TTN: variants seen among roughly 807,000 people sequenced by gnomAD.
The protein encoded by TTN is titin, also known as connectin.
In TTN, 1,525 loss-of-function variants were observed where a neutral mutation model predicts 3,223.0. The ratio of observed to expected loss-of-function variants is 0.47; its 90% CI spans 0.45 to 0.49. The LOEUF is 0.49. Ranked by LOEUF, TTN falls within the 20% of genes least tolerant of loss-of-function variation. The probability of loss-of-function intolerance (pLI) is 0.00; values close to 1 mark genes in which losing one functional copy is unlikely to be tolerated. For missense variants in TTN, 40,786 were observed against 43,424.0 expected (o/e 0.94, Z 5.40); for synonymous variants, 14,094 against 15,161.0 (o/e 0.93, Z 5.17).
intron 47 of TTN, chr2:178,751,407 C>A: frequency 6.2e-7 from 1 of 1,609,110 alleles, no homozygotes; most frequent in South Asian, 1.1e-5. Context: ...GTTTTCTTGG[C>A]AGAACTCATT....
rs750214574 is a variant in TTN at position 178,799,516 on chromosome 2, G to A, written c.885C>T (p.His295=). The change falls in exon 6 of 363, where the codon CAC becomes CAT. Residue 295 remains histidine (H), a synonymous_variant. Transcript: ENST00000589042. ...CCGGAGATGGGGTCGGTGCCCGCAC[G>A]TGTCTGACCGGGGAAGGGGAGTGTC... ...PIRHSPSPVR[H]VRAPTPSPVR... 62 of 1,614,176 alleles carry A rather than the reference G, an allele frequency of 3.8e-5. No homozygotes were observed. Among genetic ancestry groups the A allele is most frequent in the Non-Finnish European group, 5.0e-5 (59 of 1,180,016 alleles).
Position 178,634,194 on chromosome 2 carries a change from A to T in TTN, c.42416-111T>A. On this transcript the variant is annotated intron_variant, in intron 230 of 362. Transcript: ENST00000589042. The surrounding 1 kb of genome is among the most constrained non-coding windows in gnomAD (Gnocchi z 4.6). ...CATTTCACATGGCACTTATTTATTCATCTTTCCAAATAGAGCTCCACTAAA... is the reference window on the plus strand; with the variant it reads ...CATTTCACATGGCACTTATTTATTCTTCTTTCCAAATAGAGCTCCACTAAA... The T allele has an allele frequency of 1.3e-6, 2 of 1,502,764 alleles. No homozygotes were observed. The highest frequency in any genetic ancestry group is 8.9e-7 in the Non-Finnish European group (1 of 1,128,368). The allele number at this position is 1,502,764 out of a possible 1,614,324, so 93.1% of individuals were successfully genotyped here. A position where few individuals can be genotyped will look rare whatever the true frequency, so the allele number is the denominator to read the frequency against.
chr2:178,580,402 T>C lies in TTN; in HGVS notation c.66977A>G (p.Lys22326Arg), dbSNP rs202125813. ...TAAGATATATTTTCCTGCATCATAT[T>C]TGTTCACATTTTCACAGCGCAAGAA... is the stretch of plus-strand genomic sequence containing the variant. ...DTFLRCENVNKYDAGKYILTL... is the reference protein window; with the variant it reads ...DTFLRCENVNRYDAGKYILTL... Residue 22326 changes from lysine (K) to arginine (R), a missense_variant, in exon 317 of 363, where the codon AAA (lysine) becomes AGA (arginine). Physicochemically the swap from Lys to Arg is conservative, Grantham distance 26. Transcript: ENST00000589042. 487 of 1,613,306 alleles carry C rather than the reference T, an allele frequency of 3.0e-4. 2 individuals are homozygous for C. The African/African-American group carries it at 5.7e-3, about 19-fold the overall frequency.
Position 178,550,026 on chromosome 2 carries a change from T to A in TTN, c.91812A>T (p.Ala30604=). The A allele has an allele frequency of 6.2e-7, 1 of 1,611,320 alleles. No individual in the cohort carries two copies. ...RGVYTVEAKN[A]SGSAKAEIKV... Reference sequence around the variant, plus strand: ...TAATTTCTGCTTTTGCAGAACCAGATGCATTTTTGGCTTCCACTGTGTATA... The same window carrying A: ...TAATTTCTGCTTTTGCAGAACCAGAAGCATTTTTGGCTTCCACTGTGTATA... The change falls in exon 337 of 363, where the codon GCA becomes GCT. Residue 30604 remains alanine, a synonymous_variant. Transcript: ENST00000589042.
At chr2:178,774,739 C>T in intron 29 of TTN, 182 bp downstream of exon 29, 1 of 815,532 alleles carries the variant, frequency 1.2e-6, no homozygotes, top group Non-Finnish European at 1.8e-6. Flanking sequence ...TTTAAAAAAT[C>T]CAAATGGTCA....
At chr2:178,660,768 C>T (rs2064571924) in intron 180 of TTN, among the ~76,000 whole-genome samples, 1 of 152,286 alleles carries the variant, frequency 6.6e-6, no homozygotes, top group African/African-American at 2.4e-5. Flanking sequence ...AAAATTTTTG[C>T]AATCTACTCA....
intron 159 of TTN, among the ~76,000 whole-genome samples, 179 bp downstream of exon 159, chr2:178,669,194 G>C (rs190212376): frequency 6.6e-6 from 1 of 152,248 alleles, no homozygotes; most frequent in African/African-American, 2.4e-5. Context: ...TTAAATTGGT[G>C]AGGAAATATA....
rs397517513 is a variant in TTN, at chr2:178,717,960, G to A, written c.25046C>T (p.Ala8349Val). 1.9e-6 allele frequency: 3 copies of A among 1,612,456 alleles called. No homozygotes were observed. In the African/African-American group the frequency reaches 4.0e-5, roughly 22 times the overall value. The change falls in exon 86 of 363, where the codon GCT becomes GTT. Residue 8349 changes from alanine to valine, a missense_variant. Coordinates refer to ENST00000589042, the MANE Select transcript of TTN (RefSeq NM_001267550.2). ...ACCATCACCTTTGATAACAAGCACA[G>A]CTGAAGAAGCGACTGCCCCCACACT... ...DNSVGAVASS[A>V]VLVIKARKLP...
intron 67 of TTN, 102 bp from the exon 68 acceptor site, chr2:178,727,965 G>A (rs968097751): frequency 5.6e-6 from 8 of 1,419,158 alleles, no homozygotes; most frequent in Non-Finnish European, 7.5e-6. Flanking sequence ...AAGAGGCAAT[G>A]GCTGAATATT....
Position 178,733,238 on chromosome 2 carries a change from C to T in TTN, c.16054+1G>A. ...TAGCATCATTTTCTAAAAATACTAA[C>T]CTAATACAGTGAATGTAGTCTCACA... is the stretch of plus-strand genomic sequence containing the variant. On this transcript the variant is annotated splice_donor_variant, in intron 54 of 362. Transcript: ENST00000589042. LOFTEE classifies it high-confidence loss of function. The T allele has an allele frequency of 6.3e-7, 1 of 1,590,560 alleles. No homozygotes were observed. Among genetic ancestry groups the T allele is most frequent in the Non-Finnish European group, 8.6e-7 (1 of 1,168,482 alleles).
rs754467830 is a variant in TTN at position 178,663,947 on chromosome 2, G to A, written c.36365-45C>T. On this transcript the variant is annotated intron_variant, in intron 169 of 362. Coordinates refer to ENST00000589042, the MANE Select transcript of TTN (RefSeq NM_001267550.2). ...ATTACATTTAGGTGTTATGAAGACCGCTAGAAAAAAATATTGTCAAGAGCA... is the reference window on the plus strand; with the variant it reads ...ATTACATTTAGGTGTTATGAAGACCACTAGAAAAAAATATTGTCAAGAGCA... The A allele has an allele frequency of 3.1e-6, 5 of 1,611,172 alleles. No individual in the cohort carries two copies. The African/African-American group carries it at 4.0e-5, about 13-fold the overall frequency.
intron 98 of TTN, 41 bp from the exon 99 acceptor site, chr2:178,709,897 G>A (rs761160676): frequency 6.4e-7 from 1 of 1,551,552 alleles, no homozygotes; most frequent in South Asian, 1.2e-5. Context: ...GAAGCTAGAA[G>A]CAGATTACTA....
Position 178,677,739 on chromosome 2 carries a change from A to G in TTN, c.34173T>C (p.Ile11391=), listed in dbSNP as rs2068422790. ...GAGGAACTTCCTCTTCCTCAGGTGG[A>G]ATTTCCTCTTCTTCAGGTAGAACTT... The part of the protein sequence containing the change: ...EEEVLPEEEE[I]PPEEEEVPPE... The change falls in exon 146 of 363, where the codon ATT becomes ATC. Residue 11391 remains isoleucine (I), a synonymous_variant. Transcript: ENST00000589042. The G allele has an allele frequency of 6.2e-7, 1 of 1,612,882 alleles. No homozygotes were observed. Among genetic ancestry groups the G allele is most frequent in the Non-Finnish European group, 8.5e-7 (1 of 1,179,242 alleles).
Position 178,551,829 on chromosome 2 carries a change from A to T in TTN, c.91071T>A (p.Thr30357=), listed in dbSNP as rs11897366. The part of the protein sequence containing the change: ...APVYDGGSEV[T]GFHVEKKERN... ...TTTCTTTCTTTTCAACATGGAATCC[A>T]GTAACTTCTGAACCACCATCATAAA... Residue 30357 remains threonine, a synonymous_variant, in exon 335 of 363, where the codon ACT becomes ACA. Transcript: ENST00000589042. The T allele has an allele frequency of 7.4e-6, 12 of 1,613,794 alleles. No individual in the cohort carries two copies. The African/African-American group carries it at 1.6e-4, about 22-fold the overall frequency.
intron 78 of TTN, 24 bp from the exon 79 acceptor site, chr2:178,721,226 A>G (rs1358209622): frequency 2.0e-6 from 3 of 1,537,758 alleles, no homozygotes; most frequent in African/African-American, 2.8e-5. Flanking sequence ...CAAAACAGTC[A>G]GTAAGGGATA....
chr2:178,624,397 G>A (rs1185915524), intron 242 of TTN, 68 bp downstream of exon 242: 40 of 1,594,798 alleles, frequency 2.5e-5, no homozygotes, highest in Non-Finnish European at 3.1e-5. Flanking sequence ...AAAAAGTGTT[G>A]TGTTGTTTTG....
intron 13 of TTN, among the ~76,000 whole-genome samples, chr2:178,787,931 C>T (rs1266621793): frequency 6.6e-6 from 1 of 152,042 alleles, no homozygotes; most frequent in Non-Finnish European, 1.5e-5. Context: ...TACTCCAATT[C>T]ATACGAGTTA....
At chr2:178,683,089 T>C in intron 134 of TTN, 122 bp downstream of exon 134, 1 of 954,954 alleles carries the variant, frequency 1.0e-6, no homozygotes, top group South Asian at 1.5e-5. Flanking sequence ...TGATTTCAAA[T>C]GTTATATACC....
Position 178,565,429 on chromosome 2 carries a change from A to G in TTN, c.80703T>C (p.Ile26901=). The G allele has an allele frequency of 1.9e-6, 3 of 1,613,268 alleles. No individual in the cohort carries two copies. The highest frequency in any genetic ancestry group is 2.5e-6 in the Non-Finnish European group (3 of 1,179,614). Residue 26901 remains isoleucine (I), a synonymous_variant, in exon 326 of 363, where the codon ATT becomes ATC. Transcript: ENST00000589042. The part of the protein sequence containing the change: ...IQAGEDLKIE[I]PVIGRPRPNI... The stretch of plus-strand genomic sequence containing the variant: ...TAGGTCTTGGTCGGCCTATAACTGG[A>G]ATTTCTATTTTAAGATCTTCTCCAG...
Sources: gnomAD v4.1 joint callset for allele counts (sites outside exome capture counted in the v4.1 genomes callset) on GRCh38, gnomAD v4.1.1 for gene constraint, Gnocchi (gnomAD v3.1) non-coding constraint, MANE v1.5 for transcripts, NCBI Gene and HGNC (gene_info 2026-07-23, HGNC 2026-07-21) for gene names.